Variants in COL25A1 observed in about 807,000 individuals in gnomAD.
COL25A1 encodes the protein collagen alpha-1(XXV) chain.
A neutral mutation model predicts 128.4 loss-of-function variants in COL25A1; 103 were observed. The observed-to-expected ratio is 0.80, with a 90% CI of 0.68 to 0.94. The LOEUF is 0.94. COL25A1 is among the 40% of genes least tolerant of loss of function. The pLI, the probability that COL25A1 is intolerant of heterozygous loss-of-function variation, is 0.00. For missense variants in COL25A1, 745 were observed against 840.0 expected (o/e 0.89, Z 1.40); for synonymous variants, 279 against 277.2 (o/e 1.01, Z -0.06).
chr4:109,201,497 A>AT (rs1776558210), intron 3 of COL25A1, among the ~76,000 whole-genome samples: 1 of 152,204 alleles, frequency 6.6e-6, no homozygotes, highest in African/African-American at 2.4e-5. Flanking sequence ...TCTCAACCAG[A>AT]GAAAAAACAC....
At chr4:109,128,159 T>A (rs1296175854) in intron 3 of COL25A1, among the ~76,000 whole-genome samples, 2 of 152,190 alleles carry the variant, frequency 1.3e-5, no homozygotes, top group African/African-American at 4.8e-5. Context: ...GTTTGGTTCC[T>A]TTGTAGAAAC....
chr4:108,842,785 G>A (rs753070526), intron 30 of COL25A1, among the ~76,000 whole-genome samples: 5 of 152,018 alleles, frequency 3.3e-5, no homozygotes, highest in Non-Finnish European at 5.9e-5. Flanking sequence ...TATAGTAGAG[G>A]GAGTATTTTT....
Position 108,896,623 on chromosome 4 carries a change from T to G in COL25A1, c.906+44A>C, listed in dbSNP as rs573609052. On this transcript the variant is annotated intron_variant, in intron 16 of 37. Transcript: ENST00000399132. ...CCATCTTCATAAACTTGAAGTATATTTCTTGCTCACATATGTACCCTTTCA... is the reference window on the plus strand; with the variant it reads ...CCATCTTCATAAACTTGAAGTATATGTCTTGCTCACATATGTACCCTTTCA... The G allele has an allele frequency of 1.9e-5, 29 of 1,559,714 alleles. No homozygotes were observed. The South Asian group carries it at 3.1e-4, about 17-fold the overall frequency.
At chr4:108,909,443 AACC>A (rs1743943337) in intron 13 of COL25A1, among the ~76,000 whole-genome samples, 2 of 152,244 alleles carry the variant, frequency 1.3e-5, no homozygotes, top group Non-Finnish European at 2.9e-5. Context: ...CTGGTGACCA[AACC>A]TTCCTTATGC....
In COL25A1 at chr4:109,089,364, G is replaced by A. The variant is rs143897888; in HGVS notation, c.368-39185C>T. Among the ~76,000 whole-genome samples the A allele has an allele frequency of 1.2e-3, 178 of 152,270 alleles. 2 individuals are homozygous for A. The East Asian group carries it at 0.028, about 24-fold the overall frequency. ...TGCCCACCTCATAGGACATGAAGAA[G>A]GCATATAGCAGCTCCTGTATTTAAT... On this transcript the variant is annotated intron_variant, in intron 3 of 37. Transcript: ENST00000399132.
At chr4:109,273,701 G>A (rs1782350222) in intron 3 of COL25A1, among the ~76,000 whole-genome samples, 2 of 152,170 alleles carry the variant, frequency 1.3e-5, no homozygotes, top group Admixed American at 1.3e-4. Context: ...ATCACTCTGT[G>A]CATCAGCAGA....
chr4:109,048,836 CT>C (rs1042180884), intron 4 of COL25A1, among the ~76,000 whole-genome samples: 3 of 152,104 alleles, frequency 2.0e-5, no homozygotes, highest in African/African-American at 7.2e-5. Context: ...CCAAAATCCT[CT>C]TTCTTTTGAC....
chr4:108,852,971 T>C, intron 24 of COL25A1, 46 bp from the exon 25 acceptor site: 1 of 1,550,076 alleles, frequency 6.5e-7, no homozygotes, highest in Non-Finnish European at 8.9e-7. Context: ...CTATTTTGTG[T>C]GCCAAAGTAC....
chr4:109,298,953 T>A (rs1323498040), intron 3 of COL25A1, among the ~76,000 whole-genome samples: 2 of 152,206 alleles, frequency 1.3e-5, no homozygotes, highest in African/African-American at 2.4e-5. Flanking sequence ...TCTAAGATAA[T>A]ATACAGTAAA....
At chr4:109,078,440 A>G (rs1474508482) in intron 3 of COL25A1, among the ~76,000 whole-genome samples, 1 of 152,250 alleles carries the variant, frequency 6.6e-6, no homozygotes, top group Non-Finnish European at 1.5e-5. Context: ...TAAATAAAAT[A>G]AATGACATAT....
At chr4:108,862,621 T>C (rs1737391901) in intron 21 of COL25A1, 76 bp from the exon 22 acceptor site, 1 of 1,229,884 alleles carries the variant, frequency 8.1e-7, no homozygotes, top group Admixed American at 1.8e-5. Context: ...AAATTAGCAG[T>C]GACTCAGAAT....
intron 3 of COL25A1, among the ~76,000 whole-genome samples, chr4:109,257,843 A>C (rs1191591992): frequency 6.6e-6 from 1 of 152,212 alleles, no homozygotes; most frequent in Non-Finnish European, 1.5e-5. Flanking sequence ...CCAGAAAAGA[A>C]CTGTGAAGGA....
chr4:109,226,584 T>G (rs1778815798), intron 3 of COL25A1, among the ~76,000 whole-genome samples: 1 of 151,646 alleles, frequency 6.6e-6, no homozygotes, highest in Admixed American at 6.6e-5. Context: ...AGACACACAA[T>G]CCTAAAAGAC....
intron 3 of COL25A1, among the ~76,000 whole-genome samples, chr4:109,173,256 A>T (rs77313371): frequency 0.019 from 2,779 of 146,430 alleles, 80 homozygotes; most frequent in South Asian, 0.14. Flanking sequence ...CAGCTAATTT[A>T]AAAAAAAAAA....
At chr4:109,059,066 G>A (rs1761705969) in intron 3 of COL25A1, among the ~76,000 whole-genome samples, 1 of 152,168 alleles carries the variant, frequency 6.6e-6, no homozygotes, top group Non-Finnish European at 1.5e-5. Context: ...GTGGAAGCCA[G>A]AGAACCTAAT....
intron 3 of COL25A1, among the ~76,000 whole-genome samples, chr4:109,117,099 C>T (rs566498713): frequency 4.0e-5 from 6 of 151,878 alleles, no homozygotes; most frequent in East Asian, 3.9e-4. Context: ...ATATTTGTAA[C>T]AATGATGACT....
At chr4:109,189,069 A>G (rs1237393609) in intron 3 of COL25A1, among the ~76,000 whole-genome samples, 1 of 152,132 alleles carries the variant, frequency 6.6e-6, no homozygotes, top group African/African-American at 2.4e-5. Context: ...GATGGATAAT[A>G]TTTCATCGTG....
chr4:108,947,316 C>T (rs1251923756), intron 8 of COL25A1, among the ~76,000 whole-genome samples: 1 of 151,872 alleles, frequency 6.6e-6, no homozygotes, highest in Non-Finnish European at 1.5e-5. Flanking sequence ...GTGGCGGGTG[C>T]CTGTAATCTC....
Position 108,889,702 on chromosome 4 carries a change from T to G in COL25A1, c.938A>C (p.Lys313Thr), listed in dbSNP as rs1467292578. The G allele has an allele frequency of 6.2e-7, 1 of 1,613,482 alleles. No homozygotes were observed. Among genetic ancestry groups the G allele is most frequent in the Non-Finnish European group, 8.5e-7 (1 of 1,179,496 alleles). ...GDPGSSAAGIKGEPGESGRPG... is the reference protein window; with the variant it reads ...GDPGSSAAGITGEPGESGRPG... Reference sequence around the variant, plus strand: ...AAATACTTGCAAGGTTATAGTTACCTTAATTCCTGCAGCAGATGATCCAGG... The same window carrying G: ...AAATACTTGCAAGGTTATAGTTACCGTAATTCCTGCAGCAGATGATCCAGG... Residue 313 changes from lysine (K) to threonine (T), a missense_variant and splice_region_variant, in exon 17 of 38, where the codon AAG becomes ACG. Around this residue, in one of 3 missense-constraint regions of COL25A1, gnomAD observed 387 missense variants for 441.9 expected, o/e 0.88. Coordinates refer to ENST00000399132, the MANE Select transcript of COL25A1 (RefSeq NM_198721.4).
Sources: gnomAD v4.1 joint callset for allele counts (sites outside exome capture counted in the v4.1 genomes callset) on GRCh38, gnomAD v4.1.1 for gene constraint, gnomAD v4.1.1 regional missense constraint, MANE v1.5 for transcripts, NCBI Gene and HGNC (gene_info 2026-07-23, HGNC 2026-07-21) for gene names.